EARS2: variants seen among roughly 807,000 people sequenced by gnomAD.
EARS2 encodes the protein nondiscriminating glutamyl-tRNA synthetase EARS2, mitochondrial.
In EARS2, 50 loss-of-function variants were observed where a neutral mutation model predicts 54.1. The ratio of observed to expected loss-of-function variants is 0.92; its 90% CI spans 0.74 to 1.17. EARS2 has a LOEUF of 1.17. Ranked by LOEUF, EARS2 falls within the 50% of genes most tolerant of loss-of-function variation. The pLI is 0.00. For missense variants in EARS2, 673 were observed against 675.0 expected, an observed-to-expected ratio of 1.00 and a Z score of 0.03; for synonymous variants, 298 against 281.0, an observed-to-expected ratio of 1.06 and a Z score of -0.61.
At position 23,521,790 on chromosome 16, in the gene EARS2, C is replaced by T. The variant is rs62031460; in HGVS notation, c.*2581G>A. 0.074 allele frequency: 33,377 copies of T among 453,750 alleles called. 1,671 individuals are homozygous for T. Among genetic ancestry groups the T allele is most frequent in the Non-Finnish European group, 0.11 (24,070 of 226,202 alleles). 28.1% of individuals were successfully genotyped at this position (453,750 alleles called of 1,614,324 possible). ...GACCACTCACTTTGTTAAAAACACT[C>T]ACTTGACCATGAGCCAAGAAGCTCC... On this transcript the variant is annotated 3_prime_UTR_variant, in exon 9 of 9. Transcript: ENST00000449606.
intron 1 of EARS2, among the ~76,000 whole-genome samples, chr16:23,554,292 T>C (rs1044937783): frequency 2.0e-5 from 3 of 152,134 alleles, no homozygotes; most frequent in African/African-American, 7.2e-5. Flanking sequence ...AGTGCTGGGA[T>C]TACTGGCATG....
At chr16:23,529,940 A>G (rs765782404) in intron 5 of EARS2, 43 bp from the exon 6 acceptor site, 113 of 1,601,480 alleles carry the variant, frequency 7.1e-5, no homozygotes, top group Non-Finnish European at 9.4e-5. Flanking sequence ...CAACACCCCA[A>G]CCCACCCAAA....
In EARS2 at chr16:23,529,512, G is replaced by A. The variant is rs199853353; in HGVS notation, c.1342C>T (p.Arg448Cys). ...ISEKVDVIAK[R>C]VLGLLERSSM... is the part of the protein sequence containing the mutation. ...CCTGCGGGTACTCACCCCAGCACACGCTTGGCAATCACATCCACCTTCTCC... is the reference window on the plus strand; with the variant it reads ...CCTGCGGGTACTCACCCCAGCACACACTTGGCAATCACATCCACCTTCTCC... Residue 448 changes from arginine to cysteine, a missense_variant, in exon 7 of 9, where the codon CGT becomes TGT. Arg to Cys is a radical substitution (Grantham distance 180). Around this residue, in one of 3 missense-constraint regions of EARS2, gnomAD observed 338 missense variants for 361.2 expected, o/e 0.94. Transcript: ENST00000449606. The A allele has an allele frequency of 8.1e-6, 13 of 1,613,810 alleles. No individual in the cohort carries two copies. The highest frequency in any genetic ancestry group is 5.3e-5 in the African/African-American group (4 of 74,932).
chr16:23,538,055 T>C (rs1965452439), intron 3 of EARS2, among the ~76,000 whole-genome samples: 1 of 151,382 alleles, frequency 6.6e-6, no homozygotes, highest in Non-Finnish European at 1.5e-5. Context: ...AGTGCTGGGA[T>C]TACAGGCATG....
At chr16:23,543,515 A>C (rs1245695979) in intron 3 of EARS2, among the ~76,000 whole-genome samples, 1 of 152,020 alleles carries the variant, frequency 6.6e-6, no homozygotes, top group Non-Finnish European at 1.5e-5. Context: ...TGGGAATCTG[A>C]GAAAGGTGGA....
intron 1 of EARS2, 50 bp downstream of exon 1, chr16:23,557,155 G>A: frequency 6.7e-7 from 1 of 1,499,866 alleles, no homozygotes. Context: ...TCGTGGGGCG[G>A]AGACGGGACA....
intron 8 of EARS2, 118 bp downstream of exon 8, chr16:23,525,126 A>T (rs1484029795): frequency 1.7e-5 from 23 of 1,385,820 alleles, no homozygotes; most frequent in Non-Finnish European, 2.2e-5. Context: ...GAGGGGAGTG[A>T]TCATGTTTCA....
chr16:23,552,362 G>A, intron 1 of EARS2, 58 bp from the exon 2 acceptor site: 1 of 1,569,484 alleles, frequency 6.4e-7, no homozygotes, highest in Admixed American at 1.7e-5. Flanking sequence ...GCCTCAGCAA[G>A]GGGCAAGTAA....
At chr16:23,527,744 G>A (rs1445966091) in intron 7 of EARS2, among the ~76,000 whole-genome samples, 4 of 151,938 alleles carry the variant, frequency 2.6e-5, no homozygotes, top group African/African-American at 7.3e-5. Flanking sequence ...TAGTAGAGAC[G>A]GGGTTTCACC....
chr16:23,522,670 A>T lies in EARS2; in HGVS notation c.*1701T>A, dbSNP rs1351305105. 6.6e-6 allele frequency: 1 copy of T among 152,170 alleles called. No homozygotes were observed. The highest frequency in any genetic ancestry group is 1.5e-5 in the Non-Finnish European group (1 of 68,034). The allele number at this position is 152,170 out of a possible 1,614,324, so 9.4% of individuals were successfully genotyped here. A position where few individuals can be genotyped will look rare whatever the true frequency, so the allele number is the denominator to read the frequency against. On this transcript the variant is annotated 3_prime_UTR_variant, in exon 9 of 9. Transcript: ENST00000449606. Reference sequence around the variant, plus strand: ...TGTAATCGCCTTTCCACTCCCCTGGACAAAATAAATATATTGTCTACTGCT... The same window carrying T: ...TGTAATCGCCTTTCCACTCCCCTGGTCAAAATAAATATATTGTCTACTGCT...
At chr16:23,530,282 T>C (rs1362751397) in intron 5 of EARS2, among the ~76,000 whole-genome samples, 1 of 152,108 alleles carries the variant, frequency 6.6e-6, no homozygotes, top group Non-Finnish European at 1.5e-5. Flanking sequence ...CACATCACCA[T>C]GCCCAGCTAA....
At chr16:23,550,539 G>A (rs1000432766) in intron 2 of EARS2, among the ~76,000 whole-genome samples, 3 of 142,224 alleles carry the variant, frequency 2.1e-5, no homozygotes, top group Non-Finnish European at 3.0e-5. Flanking sequence ...CCGGGTTCAC[G>A]CCATTCTCCT....
intron 5 of EARS2, among the ~76,000 whole-genome samples, chr16:23,530,699 T>C (rs1265340910): frequency 6.6e-6 from 1 of 152,016 alleles, no homozygotes; most frequent in African/African-American, 2.4e-5. Context: ...AGATGCCATC[T>C]CTACAAAAAA....
At chr16:23,540,514 A>G (rs1965494520) in intron 3 of EARS2, among the ~76,000 whole-genome samples, 1 of 152,258 alleles carries the variant, frequency 6.6e-6, no homozygotes, top group South Asian at 2.1e-4. Flanking sequence ...TATCCATCAA[A>G]GCTACAACTC....
chr16:23,540,825 T>C (rs986614082), intron 3 of EARS2, among the ~76,000 whole-genome samples: 1 of 151,570 alleles, frequency 6.6e-6, no homozygotes, highest in African/African-American at 2.4e-5. Flanking sequence ...TCTACTAAAA[T>C]ATAAAAGAAA....
At chr16:23,553,027 T>C (rs928618929) in intron 1 of EARS2, 4 of 387,814 alleles carry the variant, frequency 1.0e-5, no homozygotes, top group Non-Finnish European at 2.1e-5. Flanking sequence ...TTTCAGTTAC[T>C]GAGGTGGGAG....
In EARS2 at chr16:23,529,547, T is replaced by A. The variant is rs1363077806; in HGVS notation, c.1307A>T (p.Asp436Val). The change falls in exon 7 of 9, where the codon GAC becomes GTC. Residue 436 changes from aspartate to valine, a missense_variant. By Grantham distance (152) the Asp-to-Val change is radical. Around this residue, in one of 3 missense-constraint regions of EARS2, gnomAD observed 338 missense variants for 361.2 expected, o/e 0.94. Transcript: ENST00000449606. The part of the protein sequence containing the change: ...TRPAVGRAQL[D>V]AISEKVDVIA... ...CACATCCACCTTCTCCGAGATGGCG[T>A]CCAGCTGTGCTCGACCTACTGCAGG... 2 of 1,613,972 alleles carry A rather than the reference T, an allele frequency of 1.2e-6. No homozygotes were observed. The highest frequency in any genetic ancestry group is 2.2e-5 in the South Asian group (2 of 91,082).
At chr16:23,557,075 G>T in intron 1 of EARS2, 130 bp downstream of exon 1, 2 of 1,360,272 alleles carry the variant, frequency 1.5e-6, no homozygotes, top group Non-Finnish European at 2.0e-6. Flanking sequence ...TGTAAAATGG[G>T]CTCGCGCTGC....
Position 23,552,304 on chromosome 16 carries a change from C to G in EARS2, c.140G>C (p.Gly47Ala). 5.6e-6 allele frequency: 9 copies of G among 1,613,990 alleles called. No individual in the cohort carries two copies. The highest frequency in any genetic ancestry group is 7.6e-6 in the Non-Finnish European group (9 of 1,179,896). Residue 47 changes from glycine (G) to alanine (A), a missense_variant and splice_region_variant, in exon 2 of 9, where the codon GGC becomes GCC. This residue lies in a region of EARS2 where 316 missense variants were observed against 275.2 expected (regional missense o/e 1.15). Coordinates refer to ENST00000449606, the MANE Select transcript of EARS2 (RefSeq NM_001083614.2). ...VRVRFAPSPTGFLHLGGLRTA... is the reference protein window; with the variant it reads ...VRVRFAPSPTAFLHLGGLRTA... ...GCGGAGGCCACCCAGGTGCAAGAAGCCTGGAGAAGAGAACAGCTCAGATAA... is the reference window on the plus strand; with the variant it reads ...GCGGAGGCCACCCAGGTGCAAGAAGGCTGGAGAAGAGAACAGCTCAGATAA...
Sources: allele counts gnomAD v4.1 joint callset (sites outside exome capture counted in the v4.1 genomes callset), GRCh38; gene constraint gnomAD v4.1.1; regional missense constraint gnomAD v4.1.1; transcripts MANE v1.5; gene names NCBI Gene and HGNC (gene_info 2026-07-23, HGNC 2026-07-21).